PUDP: variants seen among roughly 807,000 people sequenced by gnomAD.
PUDP encodes pseudouridine 5'-phosphatase, also known as pseudouridine-5'-phosphatase.
A neutral mutation model predicts 9.4 loss-of-function variants in PUDP; 8 were observed. The observed-to-expected ratio is 0.85, with a 90% CI of 0.50 to 1.53. The LOEUF is 1.53. Among genes scored for constraint, PUDP ranks in the 40% most tolerant of loss-of-function variants. The pLI, the probability that PUDP is intolerant of heterozygous loss-of-function variation, is 0.00. For missense variants in PUDP, 188 were observed against 189.7 expected (o/e 0.99, Z 0.05); for synonymous variants, 99 against 80.7 (o/e 1.23, Z -1.22).
intron 3 of PUDP, among the ~76,000 whole-genome samples, chrX:6,738,846 C>T (rs1484229012): frequency 8.9e-6 from 1 of 112,088 alleles, no homozygotes; most frequent in Non-Finnish European, 1.9e-5. Flanking sequence ...TTGATTACTG[C>T]ATTGATGGGT....
In PUDP at chrX:6,960,451, C is replaced by T. The variant is rs1255349086; in HGVS notation, c.*247+16682G>A. ...CTTACTGCTCTTGCTCTCTCTCACCCTCTTTGCCCTTTCACTTTTTGCCAT... is the reference window on the plus strand; with the variant it reads ...CTTACTGCTCTTGCTCTCTCTCACCTTCTTTGCCCTTTCACTTTTTGCCAT... On this transcript the variant is annotated intron_variant and NMD_transcript_variant, in intron 3 of 3. Coordinates refer to the PUDP transcript ENST00000655425. 3.6e-5 allele frequency among the ~76,000 whole-genome samples: 4 copies of T among 112,042 alleles called. No homozygotes were observed. The East Asian group carries it at 1.1e-3, about 31-fold the overall frequency.
At chrX:7,051,142 C>A (rs768788007) in intron 3 of PUDP, among the ~76,000 whole-genome samples, 34 of 111,378 alleles carry the variant, frequency 3.1e-4, no homozygotes, top group African/African-American at 9.8e-4. Context: ...GATATGGAAC[C>A]AACCTAAGTG....
chrX:7,018,597 T>G (rs2146818619), intron 1 of PUDP, among the ~76,000 whole-genome samples: 1 of 112,719 alleles, frequency 8.9e-6, no homozygotes, highest in East Asian at 2.8e-4. Context: ...GGCGATGTGG[T>G]TGATTCCCAT....
chrX:6,733,558 CT>C (rs1270187467), intron 3 of PUDP, among the ~76,000 whole-genome samples: 1 of 109,915 alleles, frequency 9.1e-6, no homozygotes, highest in Non-Finnish European at 1.9e-5. Flanking sequence ...CTCCCTTCGG[CT>C]GCTGTGCTGA....
intron 3 of PUDP, among the ~76,000 whole-genome samples, chrX:6,955,153 C>A (rs1372833010): frequency 1.8e-5 from 2 of 111,912 alleles, no homozygotes; most frequent in Non-Finnish European, 3.8e-5. Flanking sequence ...AGATTAAATT[C>A]TTTACTACAT....
intron 3 of PUDP, among the ~76,000 whole-genome samples, chrX:6,771,810 C>T (rs1256028477): frequency 8.9e-6 from 1 of 112,583 alleles, no homozygotes; most frequent in Non-Finnish European, 1.9e-5. Flanking sequence ...AAACGTTCAA[C>T]TCTGCCGTTG....
intron 2 of PUDP, among the ~76,000 whole-genome samples, chrX:7,086,877 G>GAAGGA (rs1320230208): frequency 1.8e-5 from 2 of 112,082 alleles, no homozygotes; most frequent in African/African-American, 6.5e-5. Flanking sequence ...TGGTAGTGTG[G>GAAGGA]AAGGAAAGGA....
chrX:7,139,924 C>T (rs1455802886), intron 1 of PUDP, among the ~76,000 whole-genome samples: 1 of 111,776 alleles, frequency 8.9e-6, no homozygotes, highest in Non-Finnish European at 1.9e-5. Flanking sequence ...TGGCCAGCTG[C>T]ACCAGGGTCC....
exon 2 of PUDP, among the ~76,000 whole-genome samples, chrX:6,978,269 A>G (rs1022054770): frequency 9.0e-6 from 1 of 111,330 alleles, no homozygotes; most frequent in African/African-American, 3.3e-5. Flanking sequence ...GACATTAATG[A>G]TCTCTTTGAT....
chrX:6,874,450 G>T (rs1050112705), intron 3 of PUDP, among the ~76,000 whole-genome samples: 2 of 112,463 alleles, frequency 1.8e-5, no homozygotes, highest in African/African-American at 6.4e-5. Context: ...CACCAATAGA[G>T]ATGTAAACAT....
intron 3 of PUDP, among the ~76,000 whole-genome samples, chrX:6,817,977 G>A (rs1926278280): frequency 8.9e-6 from 1 of 112,122 alleles, no homozygotes; most frequent in African/African-American, 3.2e-5. Context: ...CAGCAACTTA[G>A]ATAAGCAGGC....
chrX:6,922,426 T>C (rs933950726), intron 3 of PUDP, among the ~76,000 whole-genome samples: 5 of 111,739 alleles, frequency 4.5e-5, no homozygotes, highest in Non-Finnish European at 9.4e-5. Flanking sequence ...TAAATAGATA[T>C]TTAAAAAACA....
Position 6,869,159 on chromosome X carries a change from G to A in PUDP, c.*247+107974C>T, listed in dbSNP as rs760028811. ...TGGAGTTTACATTCCTCCCCAGAAG[G>A]TCCCAAAGCCCATGACTGACAGTGC... On this transcript the variant is annotated intron_variant and NMD_transcript_variant, in intron 3 of 3. Transcript: ENST00000655425. Among the ~76,000 whole-genome samples, 131 of 111,735 alleles carry A rather than the reference G, an allele frequency of 1.2e-3. 1 individual carries two copies. Among genetic ancestry groups the A allele is most frequent in the African/African-American group, 4.2e-3 (128 of 30,786 alleles).
At chrX:7,117,044 T>C (rs1932216231) in intron 1 of PUDP, 2 of 1,164,613 alleles carry the variant, frequency 1.7e-6, no homozygotes, top group Non-Finnish European at 2.3e-6. Flanking sequence ...CCTGCAGAAA[T>C]GTGAGCCAAT....
chrX:7,030,509 C>G (rs1929778591), intron 1 of PUDP, among the ~76,000 whole-genome samples: 1 of 111,553 alleles, frequency 9.0e-6, no homozygotes, highest in Admixed American at 9.5e-5. Flanking sequence ...ACCCCACATC[C>G]CAGACCTGCA....
At chrX:6,733,569 A>T (rs1650731934) in intron 3 of PUDP, among the ~76,000 whole-genome samples, 1 of 109,330 alleles carries the variant, frequency 9.1e-6, no homozygotes, top group South Asian at 4.0e-4. Flanking sequence ...TGCTGTGCTG[A>T]GGGTATTTGG....
intron 3 of PUDP, among the ~76,000 whole-genome samples, chrX:6,847,899 A>T (rs1926772621): frequency 8.9e-6 from 1 of 111,801 alleles, no homozygotes; most frequent in African/African-American, 3.3e-5. Flanking sequence ...GAAAGGAAGT[A>T]GAAGGGAAAA....
intron 3 of PUDP, among the ~76,000 whole-genome samples, chrX:6,726,941 G>C (rs1047419029): frequency 8.9e-6 from 1 of 111,865 alleles, no homozygotes; most frequent in Non-Finnish European, 1.9e-5. Flanking sequence ...TAAATAAAGG[G>C]TCTCTTTAAA....
chrX:6,770,905 G>A (rs750647354), intron 3 of PUDP, among the ~76,000 whole-genome samples: 1 of 111,605 alleles, frequency 9.0e-6, no homozygotes, highest in African/African-American at 3.3e-5. Flanking sequence ...CATGACAGAA[G>A]TCATCATGAG....
Sources: gnomAD v4.1 joint callset for allele counts (sites outside exome capture counted in the v4.1 genomes callset) on GRCh38, gnomAD v4.1.1 for gene constraint, MANE v1.5 for transcripts, NCBI Gene and HGNC (gene_info 2026-07-23, HGNC 2026-07-21) for gene names.